TNRC6B: variants seen among roughly 807,000 people sequenced by gnomAD.
TNRC6B encodes trinucleotide repeat containing adaptor 6B.
In TNRC6B, 52 loss-of-function variants were observed where a neutral mutation model predicts 203.6. The observed-to-expected ratio is 0.26, with a 90% CI of 0.20 to 0.32. The LOEUF (loss-of-function observed/expected upper bound fraction) is 0.32. Ranked by LOEUF, TNRC6B falls within the 10% of genes least tolerant of loss-of-function variation. The probability of loss-of-function intolerance (pLI) is 1.00; values close to 1 mark genes in which losing one functional copy is unlikely to be tolerated. For missense variants in TNRC6B, 1,923 were observed against 2,286.2 expected (o/e 0.84, Z 3.24); for synonymous variants, 838 against 845.7 (o/e 0.99, Z 0.16).
intron 12 of TNRC6B, among the ~76,000 whole-genome samples, chr22:40,296,494 G>A (rs2070944048): frequency 2.0e-5 from 3 of 151,846 alleles, no homozygotes; most frequent in Admixed American, 2.0e-4. Flanking sequence ...ATCACTCCCG[G>A]CTAATTTTTT....
At chr22:40,048,690 T>C (rs964519541) in intron 1 of TNRC6B, among the ~76,000 whole-genome samples, 1 of 152,226 alleles carries the variant, frequency 6.6e-6, no homozygotes, top group African/African-American at 2.4e-5. Context: ...TTTATGTGTG[T>C]TTACAGTTCT....
At chr22:40,231,445 T>G (rs2069868605) in intron 1 of TNRC6B, among the ~76,000 whole-genome samples, 1 of 152,224 alleles carries the variant, frequency 6.6e-6, no homozygotes, top group South Asian at 2.1e-4. Flanking sequence ...TAGTTTTCAG[T>G]GTACATATTC....
At chr22:40,222,125 C>T (rs2069718474) in intron 1 of TNRC6B, among the ~76,000 whole-genome samples, 1 of 152,124 alleles carries the variant, frequency 6.6e-6, no homozygotes, top group Non-Finnish European at 1.5e-5. Flanking sequence ...CACGCCGTCT[C>T]GTAGTCCCTT....
At chr22:40,085,894 A>G (rs901857469) in intron 1 of TNRC6B, among the ~76,000 whole-genome samples, 34 of 149,180 alleles carry the variant, frequency 2.3e-4, no homozygotes, top group African/African-American at 7.6e-4. Context: ...TTGTTGAGAC[A>G]GGGTCTTGTT....
chr22:40,227,171 C>T (rs1361211591), intron 1 of TNRC6B, among the ~76,000 whole-genome samples: 1 of 148,890 alleles, frequency 6.7e-6, no homozygotes, highest in East Asian at 1.9e-4. Flanking sequence ...GTCTCAAACT[C>T]CTGACCTCAA....
At chr22:40,059,161 T>C (rs1325776256) in intron 1 of TNRC6B, among the ~76,000 whole-genome samples, 1 of 152,226 alleles carries the variant, frequency 6.6e-6, no homozygotes, top group East Asian at 1.9e-4. Flanking sequence ...AAGGTTTGAC[T>C]TATGTAAAAT....
intron 15 of TNRC6B, among the ~76,000 whole-genome samples, chr22:40,304,501 G>A (rs1326614422): frequency 6.6e-6 from 1 of 152,056 alleles, no homozygotes; most frequent in African/African-American, 2.4e-5. Context: ...CTGGGCTAGG[G>A]GAAGGAACAT....
At position 40,265,441 on chromosome 22, in the gene TNRC6B, C is replaced by T; in HGVS notation, c.1211C>T (p.Ser404Phe). The T allele has an allele frequency of 6.2e-7, 1 of 1,613,982 alleles. No individual in the cohort carries two copies. The highest frequency in any genetic ancestry group is 8.5e-7 in the Non-Finnish European group (1 of 1,179,886). Residue 404 changes from serine to phenylalanine, a missense_variant, in exon 5 of 23, where the codon TCC becomes TTC. This residue lies in a region of TNRC6B where 614 missense variants were observed against 587.7 expected (regional missense o/e 1.04). Transcript: ENST00000454349. Reference sequence around the variant, plus strand: ...TTTGGAATGGGCTTGGGGAACACCTCCAGGAGCACTGATGCCCCTTCACAA... The same window carrying T: ...TTTGGAATGGGCTTGGGGAACACCTTCAGGAGCACTGATGCCCCTTCACAA... ...MPFGMGLGNT[S>F]RSTDAPSQST... is the part of the protein sequence containing the mutation.
intron 12 of TNRC6B, among the ~76,000 whole-genome samples, chr22:40,295,474 CAAA>C (rs5845457): frequency 7.1e-5 from 7 of 98,966 alleles, no homozygotes; most frequent in Admixed American, 9.8e-5. Context: ...ACTCCATTTC[CAAA>C]AAAAAAAAAA....
chr22:40,264,804 G>C lies in TNRC6B; in HGVS notation c.574G>C (p.Val192Leu), dbSNP rs780481191. The C allele has an allele frequency of 1.3e-5, 21 of 1,613,998 alleles. No homozygotes were observed. The highest frequency in any genetic ancestry group is 1.7e-5 in the Non-Finnish European group (20 of 1,179,888). ...AATTCACATCTGGGACAAGGTGATT[G>C]TAGACGGGTCTGACATGGAAGAGTG... The part of the protein sequence containing the change: ...NPIHIWDKVI[V>L]DGSDMEEWPC... Residue 192 changes from valine to leucine, a missense_variant, in exon 5 of 23, where the codon GTA becomes CTA. Val to Leu is a conservative substitution (Grantham distance 32). This residue lies in a region of TNRC6B where 614 missense variants were observed against 587.7 expected (regional missense o/e 1.04). Coordinates refer to ENST00000454349, the MANE Select transcript of TNRC6B (RefSeq NM_001162501.2).
chr22:40,145,840 C>CA (rs5845447), intron 3 of TNRC6B, among the ~76,000 whole-genome samples: 34 of 148,176 alleles, frequency 2.3e-4, no homozygotes, highest in South Asian at 1.3e-3. Flanking sequence ...GACTTTGTCT[C>CA]AAAAAAAAAA....
chr22:40,320,296 A>T (rs1018062183), intron 21 of TNRC6B, among the ~76,000 whole-genome samples: 2 of 152,192 alleles, frequency 1.3e-5, no homozygotes, highest in African/African-American at 2.4e-5. Context: ...CCTGGCCAAC[A>T]TGGTGAAACC....
chr22:40,154,880 T>C (rs1280833005), intron 3 of TNRC6B, among the ~76,000 whole-genome samples: 1 of 66,148 alleles, frequency 1.5e-5, no homozygotes, highest in Non-Finnish European at 2.7e-5. Flanking sequence ...TATATATATA[T>C]ATATATATAT....
chr22:40,058,622 G>C lies in TNRC6B; in HGVS notation c.-121+13624G>C, dbSNP rs941618027. 3.9e-5 allele frequency among the ~76,000 whole-genome samples: 6 copies of C among 152,154 alleles called. No homozygotes were observed. In the South Asian group the frequency reaches 1.2e-3, roughly 32 times the overall value. On this transcript the variant is annotated intron_variant, in intron 1 of 23. Coordinates refer to the TNRC6B transcript ENST00000301923. ...TAACCTCCTATTTTTCAGACCTTGG[G>C]CTTATCATTCAGGGTGCTTTTCAGA...
intron 1 of TNRC6B, among the ~76,000 whole-genome samples, chr22:40,181,265 T>C (rs776824007): frequency 1.3e-5 from 2 of 152,164 alleles, no homozygotes; most frequent in Admixed American, 6.5e-5. Flanking sequence ...TGTTATGCGA[T>C]GATGAGACCT....
intron 1 of TNRC6B, among the ~76,000 whole-genome samples, chr22:40,221,323 A>G (rs1342641282): frequency 6.6e-6 from 1 of 152,206 alleles, no homozygotes; most frequent in African/African-American, 2.4e-5. Context: ...TTCAGGAACA[A>G]TGTTGCTACA....
At position 40,266,344 on chromosome 22, in the gene TNRC6B, A is replaced by G. The variant is rs1463689555; in HGVS notation, c.2114A>G (p.Asn705Ser). The change falls in exon 5 of 23, where the codon AAC (asparagine) becomes AGC (serine). Residue 705 changes from asparagine to serine, a missense_variant. By Grantham distance (46) the Asn-to-Ser change is conservative. Coordinates refer to ENST00000454349, the MANE Select transcript of TNRC6B (RefSeq NM_001162501.2). ...TGGWNDYKNN[N>S]SSNWGGGRPD... is the part of the protein sequence containing the mutation. ...GGCTGGAATGACTACAAGAACAACA[A>G]CTCTTCCAACTGGGGAGGAGGACGA... The G allele has an allele frequency of 3.1e-6, 5 of 1,607,944 alleles. No homozygotes were observed. The highest frequency in any genetic ancestry group is 4.2e-6 in the Non-Finnish European group (5 of 1,177,196).
chr22:40,161,994 T>A (rs919048448), intron 4 of TNRC6B, among the ~76,000 whole-genome samples: 2 of 152,214 alleles, frequency 1.3e-5, no homozygotes, highest in Non-Finnish European at 2.9e-5. Flanking sequence ...GAGAGGTCAT[T>A]ATAGATAAAA....
At chr22:40,293,128 T>C (rs2070890455) in intron 12 of TNRC6B, among the ~76,000 whole-genome samples, 1 of 151,820 alleles carries the variant, frequency 6.6e-6, no homozygotes, top group African/African-American at 2.4e-5. Flanking sequence ...CTACTGTTCA[T>C]AGACATTTGG....
Sources: gnomAD v4.1 joint callset for allele counts (sites outside exome capture counted in the v4.1 genomes callset) on GRCh38, gnomAD v4.1.1 for gene constraint, gnomAD v4.1.1 regional missense constraint, MANE v1.5 for transcripts, NCBI Gene and HGNC (gene_info 2026-07-23, HGNC 2026-07-21) for gene names.